Variants in DLEU7 observed in about 807,000 individuals in gnomAD.
DLEU7 encodes the protein leukemia-associated protein 7.
Under a neutral mutation model 16.0 loss-of-function variants are expected in DLEU7, and 17 were observed. The ratio of observed to expected loss-of-function variants is 1.06; its 90% CI spans 0.73 to 1.59. The LOEUF (loss-of-function observed/expected upper bound fraction) is 1.59. Ranked by LOEUF, DLEU7 falls within the 40% of genes most tolerant of loss-of-function variation. The pLI is 0.00. For synonymous variants in DLEU7, 113 were observed against 139.8 expected (o/e 0.81, Z 1.35); for missense variants, 308 against 314.9 (o/e 0.98, Z 0.17).
At chr13:50,731,008 T>G (rs546049301) in intron 1 of DLEU7, among the ~76,000 whole-genome samples, 1 of 152,162 alleles carries the variant, frequency 6.6e-6, no homozygotes, top group Non-Finnish European at 1.5e-5. Context: ...AAATGGAAAG[T>G]ACCCCTGATT....
chr13:50,832,786 C>T (rs541156930), intron 1 of DLEU7, among the ~76,000 whole-genome samples: 6 of 152,276 alleles, frequency 3.9e-5, no homozygotes, highest in African/African-American at 7.2e-5. Flanking sequence ...TGTAGTTGTG[C>T]GGTTCTGAGT....
intron 1 of DLEU7, among the ~76,000 whole-genome samples, chr13:50,831,109 GGAGGA>G (rs1158632894): frequency 1.4e-4 from 21 of 148,062 alleles, no homozygotes; most frequent in African/African-American, 4.9e-4. Flanking sequence ...TCAGTAAGGA[GGAGGA>G]GAGGGGAGGG....
chr13:50,767,927 G>A (rs924036076), intron 1 of DLEU7, among the ~76,000 whole-genome samples: 3 of 152,200 alleles, frequency 2.0e-5, no homozygotes, highest in African/African-American at 4.8e-5. Context: ...AACCATGTCA[G>A]CAGTCCCACG....
chr13:50,746,209 ATATT>A (rs1874390129), intron 1 of DLEU7, among the ~76,000 whole-genome samples: 1 of 152,256 alleles, frequency 6.6e-6, no homozygotes, highest in Non-Finnish European at 1.5e-5. Flanking sequence ...AAACAAATAC[ATATT>A]TATTTAATAG....
downstream of DLEU7, among the ~76,000 whole-genome samples, chr13:50,819,815 T>C (rs778032699): frequency 2.6e-5 from 4 of 152,142 alleles, no homozygotes; most frequent in East Asian, 1.9e-4. Context: ...CTGTAGTCAG[T>C]TGAACACAGA....
chr13:50,786,231 C>T (rs541303274), intron 1 of DLEU7, among the ~76,000 whole-genome samples: 13 of 152,332 alleles, frequency 8.5e-5, no homozygotes, highest in Admixed American at 3.9e-4. Flanking sequence ...GTTTCTCTCT[C>T]TACCTGTGTG....
chr13:50,832,047 A>G (rs1220747869), intron 1 of DLEU7, among the ~76,000 whole-genome samples: 1 of 152,130 alleles, frequency 6.6e-6, no homozygotes. Context: ...TGGAATAGTT[A>G]CAGAAGGAAT....
downstream of DLEU7, among the ~76,000 whole-genome samples, chr13:50,821,880 C>G (rs1876917036): frequency 6.6e-6 from 1 of 152,186 alleles, no homozygotes; most frequent in Admixed American, 6.5e-5. Context: ...AGAAAGGCAT[C>G]GCCCCAGAAT....
At chr13:50,782,056 C>T (rs999305074) in intron 1 of DLEU7, among the ~76,000 whole-genome samples, 1 of 152,028 alleles carries the variant, frequency 6.6e-6, no homozygotes, top group Non-Finnish European at 1.5e-5. Flanking sequence ...TATCTCTTTC[C>T]CCCATACCCC....
At chr13:50,775,408 G>A (rs1875463967) in intron 1 of DLEU7, among the ~76,000 whole-genome samples, 1 of 152,106 alleles carries the variant, frequency 6.6e-6, no homozygotes, top group South Asian at 2.1e-4. Flanking sequence ...ATAGTTTGAG[G>A]CATTTTTCAA....
intron 1 of DLEU7, among the ~76,000 whole-genome samples, chr13:50,817,502 G>A (rs930796020): frequency 2.0e-5 from 3 of 152,148 alleles, no homozygotes; most frequent in Admixed American, 6.6e-5. Flanking sequence ...AGGACACCCA[G>A]ATGATATGGA....
At chr13:50,802,586 G>T (rs1381103028) in intron 1 of DLEU7, among the ~76,000 whole-genome samples, 1 of 152,132 alleles carries the variant, frequency 6.6e-6, no homozygotes, top group African/African-American at 2.4e-5. Flanking sequence ...CTCCATGGTT[G>T]TTCTTGTTTC....
At chr13:50,823,637 T>C in intron 1 of DLEU7, 117 bp from the exon 2 acceptor site, 2 of 1,270,614 alleles carry the variant, frequency 1.6e-6, no homozygotes, top group Non-Finnish European at 2.1e-6. Flanking sequence ...CTGGTTTTTT[T>C]TTTTCTTGGA....
intron 1 of DLEU7, among the ~76,000 whole-genome samples, chr13:50,793,978 G>A (rs895993586): frequency 3.3e-5 from 5 of 152,114 alleles, no homozygotes; most frequent in Admixed American, 3.3e-4. Flanking sequence ...ATTTTTAGAG[G>A]TTGAGGTCTT....
At chr13:50,804,201 T>C (rs1344459531) in intron 1 of DLEU7, among the ~76,000 whole-genome samples, 1 of 152,058 alleles carries the variant, frequency 6.6e-6, no homozygotes. Flanking sequence ...TATTCCTGCT[T>C]GTTTTTTTCC....
intron 1 of DLEU7, among the ~76,000 whole-genome samples, chr13:50,797,446 G>C (rs974326365): frequency 6.6e-6 from 1 of 152,134 alleles, no homozygotes; most frequent in Non-Finnish European, 1.5e-5. Flanking sequence ...TCACCAAGCA[G>C]CACGTACAAG....
At chr13:50,801,099 G>A (rs1175945242) in intron 1 of DLEU7, among the ~76,000 whole-genome samples, 1 of 152,114 alleles carries the variant, frequency 6.6e-6, no homozygotes, top group Admixed American at 6.6e-5. Flanking sequence ...CTACAAGAAG[G>A]TCCCTTTACT....
At chr13:50,748,140 T>C (rs563076132) in intron 1 of DLEU7, among the ~76,000 whole-genome samples, 28 of 152,122 alleles carry the variant, frequency 1.8e-4, no homozygotes, top group Non-Finnish European at 1.9e-4. Flanking sequence ...AGCTGTGTTA[T>C]GAAGTAATAC....
At chr13:50,722,559 G>T (rs1292332032) in intron 1 of DLEU7, among the ~76,000 whole-genome samples, 1 of 152,006 alleles carries the variant, frequency 6.6e-6, no homozygotes, top group Non-Finnish European at 1.5e-5. Context: ...ACAAAACAAG[G>T]AATACGCTAT....
Sources: gnomAD v4.1 joint callset for allele counts (sites outside exome capture counted in the v4.1 genomes callset) on GRCh38, gnomAD v4.1.1 for gene constraint, MANE v1.5 for transcripts, NCBI Gene and HGNC (gene_info 2026-07-23, HGNC 2026-07-21) for gene names.